Variants in OSTF1 observed in about 807,000 individuals in gnomAD.
The protein encoded by OSTF1 is osteoclast-stimulating factor 1.
A neutral mutation model predicts 37.2 loss-of-function variants in OSTF1; 27 were observed. That is an observed-to-expected ratio of 0.73 (90% CI 0.54 to 1.00). The LOEUF (loss-of-function observed/expected upper bound fraction) is 1.00, where lower values mean the gene tolerates loss of function less well. OSTF1 is among the 50% of genes least tolerant of loss of function. The probability of loss-of-function intolerance (pLI) is 0.00; values close to 1 mark genes in which losing one functional copy is unlikely to be tolerated. For synonymous variants in OSTF1, 82 were observed against 89.2 expected (o/e 0.92, Z 0.46); for missense variants, 232 against 253.8 (o/e 0.91, Z 0.58).
intron 8 of OSTF1, 115 bp from the exon 9 acceptor site, chr9:75,140,719 G>A: frequency 1.5e-6 from 1 of 651,304 alleles, no homozygotes; most frequent in Non-Finnish European, 2.8e-6. Flanking sequence ...TTACTTCTGA[G>A]CCAGAGTTGT....
chr9:75,106,971 GAAA>G (rs916634369), intron 1 of OSTF1, among the ~76,000 whole-genome samples: 3 of 108,280 alleles, frequency 2.8e-5, no homozygotes, highest in Non-Finnish European at 3.9e-5. Context: ...AAAAGAAAAA[GAAA>G]AAGAAAAAAA....
At chr9:75,088,867 T>A (rs1490814303) in intron 1 of OSTF1, 141 bp downstream of exon 1, 1 of 763,602 alleles carries the variant, frequency 1.3e-6, no homozygotes, top group Non-Finnish European at 2.2e-6. Flanking sequence ...GGATGGGCGC[T>A]CTTAGTTTTG....
At chr9:75,142,173 G>A (rs1395393315) in intron 9 of OSTF1, among the ~76,000 whole-genome samples, 1 of 152,162 alleles carries the variant, frequency 6.6e-6, no homozygotes, top group African/African-American at 2.4e-5. Context: ...GAGCTCACTG[G>A]GAGTGCAAGC....
At chr9:75,092,605 A>G (rs1282043203) in intron 1 of OSTF1, among the ~76,000 whole-genome samples, 2 of 152,320 alleles carry the variant, frequency 1.3e-5, no homozygotes, top group East Asian at 3.9e-4. Flanking sequence ...AGAAAAAGGT[A>G]AACAATAAAT....
chr9:75,124,987 C>T (rs141263401), intron 2 of OSTF1, among the ~76,000 whole-genome samples: 29 of 152,242 alleles, frequency 1.9e-4, no homozygotes, highest in African/African-American at 6.7e-4. Flanking sequence ...TAAGAACAGC[C>T]CAGGACGGCT....
At chr9:75,091,222 T>C (rs1824969399) in intron 1 of OSTF1, among the ~76,000 whole-genome samples, 1 of 151,608 alleles carries the variant, frequency 6.6e-6, no homozygotes. Context: ...GCAGCTGGGA[T>C]TACAGGCAGC....
chr9:75,138,906 C>A (rs867339707), intron 8 of OSTF1, among the ~76,000 whole-genome samples: 1 of 151,950 alleles, frequency 6.6e-6, no homozygotes, highest in Middle Eastern at 3.4e-3. Context: ...TTATATAACC[C>A]TACTGTGAAT....
chr9:75,112,122 T>G (rs561075232), intron 1 of OSTF1, among the ~76,000 whole-genome samples: 1 of 11,528 alleles, frequency 8.7e-5, no homozygotes, highest in Non-Finnish European at 1.7e-4. Flanking sequence ...AGCCTACTGC[T>G]TTTTTTTTTT....
At chr9:75,142,490 T>C (rs1015158465) in intron 9 of OSTF1, among the ~76,000 whole-genome samples, 19 of 152,142 alleles carry the variant, frequency 1.2e-4, no homozygotes, top group Non-Finnish European at 2.2e-4. Flanking sequence ...GTCTAATGCA[T>C]GCTATGAGCT....
At position 75,088,577 on chromosome 9, in the gene OSTF1, G is replaced by C. The variant is rs1479794067; in HGVS notation, c.-116G>C. 1.8e-6 allele frequency: 2 copies of C among 1,140,110 alleles called. No homozygotes were observed. The highest frequency in any genetic ancestry group is 2.6e-5 in the South Asian group (2 of 75,786). The allele number at this position is 1,140,110 out of a possible 1,614,324, so 70.6% of individuals were successfully genotyped here. A position where few individuals can be genotyped will look rare whatever the true frequency, so the allele number is the denominator to read the frequency against. ...CAGCCAAGGGTGGGCGCCGGTCCTA[G>C]GAGGCGCACGGTTGTAAGCCAGACA... On this transcript the variant is annotated 5_prime_UTR_variant, in exon 1 of 10. Coordinates refer to ENST00000346234, the MANE Select transcript of OSTF1 (RefSeq NM_012383.5).
At chr9:75,141,037 A>G in intron 9 of OSTF1, 105 bp downstream of exon 9, 1 of 754,478 alleles carries the variant, frequency 1.3e-6, no homozygotes, top group Non-Finnish European at 2.1e-6. Context: ...AGTGGCTTAT[A>G]CCTGTAATCC....
chr9:75,092,568 TA>T (rs1452852564), intron 1 of OSTF1, among the ~76,000 whole-genome samples: 1 of 152,046 alleles, frequency 6.6e-6, no homozygotes, highest in Non-Finnish European at 1.5e-5. Context: ...TAAGTAAAAA[TA>T]TAATTTTTTT....
intron 1 of OSTF1, among the ~76,000 whole-genome samples, chr9:75,110,370 T>C (rs564793967): frequency 7.9e-5 from 12 of 152,372 alleles, no homozygotes; most frequent in South Asian, 4.1e-4. Flanking sequence ...ATGTTGACTT[T>C]TCACTTAGTA....
intron 8 of OSTF1, among the ~76,000 whole-genome samples, chr9:75,138,004 A>AGTC (rs1825870127): frequency 6.6e-6 from 1 of 152,208 alleles, no homozygotes. Context: ...AAGTCTTGAC[A>AGTC]GATAAGCAAG....
chr9:75,128,727 G>A (rs1825717052), intron 3 of OSTF1, among the ~76,000 whole-genome samples: 2 of 149,968 alleles, frequency 1.3e-5, no homozygotes, highest in African/African-American at 2.5e-5. Context: ...CATGTGTATT[G>A]TGGTTTAGAG....
Position 75,115,941 on chromosome 9 carries a change from T to C in OSTF1, c.35-1563T>C, listed in dbSNP as rs982952046. Among the ~76,000 whole-genome samples, 30 of 152,066 alleles carry C rather than the reference T, an allele frequency of 2.0e-4. 1 individual carries two copies. In the South Asian group the frequency reaches 6.2e-3, roughly 32 times the overall value. ...CAACATGGCGAAACCCCATCTCTACTAAAAATATAAAAATTAGCTGGGTAT... is the reference window on the plus strand; with the variant it reads ...CAACATGGCGAAACCCCATCTCTACCAAAAATATAAAAATTAGCTGGGTAT... On this transcript the variant is annotated intron_variant, in intron 1 of 9. Transcript: ENST00000346234.
At chr9:75,088,809 C>T (rs1824867609) in intron 1 of OSTF1, 83 bp downstream of exon 1, 7 of 1,352,386 alleles carry the variant, frequency 5.2e-6, no homozygotes, top group Non-Finnish European at 7.2e-6. Flanking sequence ...CAGGGAGGAC[C>T]CGGCGCGCAC....
intron 2 of OSTF1, among the ~76,000 whole-genome samples, chr9:75,118,759 A>C (rs969475939): frequency 1.3e-5 from 2 of 152,176 alleles, no homozygotes; most frequent in African/African-American, 4.8e-5. Flanking sequence ...TTATAAAATC[A>C]ACACATCTTG....
chr9:75,102,754 A>T (rs1401798111), intron 1 of OSTF1, among the ~76,000 whole-genome samples: 2 of 152,112 alleles, frequency 1.3e-5, no homozygotes, highest in Admixed American at 1.3e-4. Context: ...GTTTTTTAAA[A>T]TTTTTTCTAC....
Sources: gnomAD v4.1 joint callset for allele counts (sites outside exome capture counted in the v4.1 genomes callset) on GRCh38, gnomAD v4.1.1 for gene constraint, MANE v1.5 for transcripts, NCBI Gene and HGNC (gene_info 2026-07-23, HGNC 2026-07-21) for gene names.